RBBP8: variants seen among roughly 807,000 people sequenced by gnomAD.
RBBP8 encodes DNA endonuclease RBBP8.
RBBP8 carries 88 observed loss-of-function variants against 108.3 expected under a neutral mutation model. The ratio of observed to expected loss-of-function variants is 0.81; its 90% CI spans 0.68 to 0.97. The LOEUF (loss-of-function observed/expected upper bound fraction) is 0.97, where lower values mean the gene tolerates loss of function less well. Ranked by LOEUF, RBBP8 falls within the 50% of genes least tolerant of loss-of-function variation. The pLI is 0.00. For missense variants in RBBP8, 1,023 were observed against 1,049.0 expected (o/e 0.98, Z 0.34); for synonymous variants, 332 against 348.2 (o/e 0.95, Z 0.52).
rs1356779362 is a variant in RBBP8 at position 22,996,441 on chromosome 18, T to C, written c.2007T>C (p.Asp669=). The change falls in exon 13 of 19, where the codon GAT becomes GAC. Residue 669 remains aspartate (D), a synonymous_variant. Transcript: ENST00000327155. ...CAGACCTTTCTCAGTATAAAATGGA[T>C]GTTACTGTAATAGATACAAAGGTAA... ...PGADLSQYKM[D]VTVIDTKDGS... is the part of the protein sequence containing the mutation. The C allele has an allele frequency of 1.9e-6, 3 of 1,613,638 alleles. No individual in the cohort carries two copies. The highest frequency in any genetic ancestry group is 3.3e-5 in the Admixed American group (2 of 60,024).
chr18:22,941,367 T>C (rs1911071102), intron 2 of RBBP8, among the ~76,000 whole-genome samples: 1 of 152,042 alleles, frequency 6.6e-6, no homozygotes, highest in Non-Finnish European at 1.5e-5. Context: ...AGATGAGGTT[T>C]CACCATGTTG....
At chr18:22,931,298 T>C (rs536563705), upstream of RBBP8, among the ~76,000 whole-genome samples, 3 of 152,214 alleles carry the variant, frequency 2.0e-5, no homozygotes, top group South Asian at 4.2e-4. Context: ...ATCAAAAGTC[T>C]AGTGAGACCA....
chr18:22,962,379 A>G (rs992084828), intron 4 of RBBP8, among the ~76,000 whole-genome samples: 1 of 152,050 alleles, frequency 6.6e-6, no homozygotes, highest in Admixed American at 6.6e-5. Flanking sequence ...TCTTGCAGGT[A>G]TTCTTAAAAC....
chr18:22,952,856 C>G (rs1245334211), intron 4 of RBBP8, among the ~76,000 whole-genome samples: 1 of 152,174 alleles, frequency 6.6e-6, no homozygotes, highest in Non-Finnish European at 1.5e-5. Context: ...CGTTTTTTCT[C>G]TCATTTCTAC....
At chr18:22,976,108 T>C (rs1914478067) in intron 6 of RBBP8, among the ~76,000 whole-genome samples, 1 of 152,142 alleles carries the variant, frequency 6.6e-6, no homozygotes, top group South Asian at 2.1e-4. Flanking sequence ...GTAACATTAT[T>C]TTGGCTTAGA....
At chr18:22,985,114 C>G (rs1915229003) in intron 8 of RBBP8, 124 bp downstream of exon 8, 1 of 1,278,726 alleles carries the variant, frequency 7.8e-7, no homozygotes, top group Non-Finnish European at 1.1e-6. Flanking sequence ...GTTTATATTA[C>G]TAGTTTACTA....
intron 4 of RBBP8, among the ~76,000 whole-genome samples, chr18:22,951,611 A>G (rs1013337890): frequency 6.6e-6 from 1 of 152,138 alleles, no homozygotes; most frequent in Non-Finnish European, 1.5e-5. Flanking sequence ...TTCAATTCCT[A>G]CACTGGATAT....
At position 23,006,388 on chromosome 18, in the gene RBBP8, C is replaced by T; in HGVS notation, c.2313C>T (p.Val771=). The T allele has an allele frequency of 6.2e-7, 1 of 1,613,500 alleles. No homozygotes were observed. Among genetic ancestry groups the T allele is most frequent in the Non-Finnish European group, 8.5e-7 (1 of 1,179,772 alleles). ...CTCATGGTGATAAACAAGACAAAGTCAAGCAGAAAGCGTTTGTGGAGCCGT... is the reference window on the plus strand; with the variant it reads ...CTCATGGTGATAAACAAGACAAAGTTAAGCAGAAAGCGTTTGTGGAGCCGT... ...LHTHGDKQDK[V]KQKAFVEPYF... The change falls in exon 16 of 19, where the codon GTC becomes GTT. Residue 771 remains valine (V), a synonymous_variant. Coordinates refer to ENST00000327155, the MANE Select transcript of RBBP8 (RefSeq NM_002894.3).
intron 2 of RBBP8, among the ~76,000 whole-genome samples, chr18:22,940,424 C>T (rs1304998526): frequency 6.7e-6 from 1 of 148,952 alleles, no homozygotes; most frequent in Non-Finnish European, 1.5e-5. Context: ...GGATTCATGC[C>T]ATTCTCCTGC....
intron 3 of RBBP8, among the ~76,000 whole-genome samples, chr18:22,918,711 C>G (rs966123889): frequency 6.6e-6 from 1 of 152,074 alleles, no homozygotes; most frequent in African/African-American, 2.4e-5. Context: ...GGGTCTCACT[C>G]TGTCACCCAG....
Position 23,022,160 on chromosome 18 carries a change from A to C in RBBP8, c.2486A>C (p.Glu829Ala). Residue 829 changes from glutamate (E) to alanine (A), a missense_variant, in exon 18 of 19, where the codon GAA becomes GCA. Physicochemically the swap from Glu to Ala is moderately radical, Grantham distance 107. Transcript: ENST00000327155. ...YYADMPAEER[E>A]KKLASCSRHR... ...GCAGATATGCCAGCAGAAGAAAGAG[A>C]AAAGAAATTGGCTTCCTGCTCAAGA... The C allele has an allele frequency of 6.2e-7, 1 of 1,607,944 alleles. No individual in the cohort carries two copies. The highest frequency in any genetic ancestry group is 8.5e-7 in the Non-Finnish European group (1 of 1,174,340).
intron 8 of RBBP8, among the ~76,000 whole-genome samples, chr18:22,987,933 G>A (rs551995894): frequency 6.6e-6 from 1 of 152,320 alleles, no homozygotes; most frequent in African/African-American, 2.4e-5. Flanking sequence ...CATGTCTACA[G>A]TTGACAGTTA....
chr18:22,995,503 C>G (rs73966421), intron 12 of RBBP8, among the ~76,000 whole-genome samples: 7,813 of 151,992 alleles, frequency 0.051, 398 homozygotes, highest in African/African-American at 0.13. Context: ...TTTGGTATAC[C>G]CACAGAGTTG....
chr18:23,016,934 A>G lies in RBBP8; in HGVS notation c.2454+10A>G. 1 of 1,586,408 alleles carries G rather than the reference A, an allele frequency of 6.3e-7. No homozygotes were observed. The highest frequency in any genetic ancestry group is 8.7e-7 in the Non-Finnish European group (1 of 1,155,200). On this transcript the variant is annotated intron_variant, in intron 17 of 18. Transcript: ENST00000327155. ...TAAGGAATGTGAAATTGTAAGTACT[A>G]ATGTAGATACTAATTTTTTTTTAAG...
At chr18:22,995,601 A>T (rs1482174587) in intron 12 of RBBP8, among the ~76,000 whole-genome samples, 1 of 151,992 alleles carries the variant, frequency 6.6e-6, no homozygotes. Flanking sequence ...CCTTAAATCT[A>T]CTTTCTCTCT....
At chr18:22,970,654 T>A in intron 5 of RBBP8, among the ~76,000 whole-genome samples, 1 of 152,222 alleles carries the variant, frequency 6.6e-6, no homozygotes, top group Non-Finnish European at 1.5e-5. Flanking sequence ...TCAAGTATTA[T>A]TTTATATGAT....
At chr18:22,936,041 C>G (rs1235927952) in intron 1 of RBBP8, among the ~76,000 whole-genome samples, 1 of 151,978 alleles carries the variant, frequency 6.6e-6, no homozygotes, top group East Asian at 1.9e-4. Context: ...CTTGTTAAGT[C>G]AAGACTAAGA....
chr18:22,997,563 T>C (rs1298221276), intron 13 of RBBP8, 57 bp from the exon 14 acceptor site: 10 of 1,058,456 alleles, frequency 9.4e-6, no homozygotes, highest in Non-Finnish European at 1.4e-5. Flanking sequence ...AAAAATTAAA[T>C]ATAAGACCAT....
At chr18:23,026,043 A>C in intron 18 of RBBP8, 100 bp from the exon 19 acceptor site, 1 of 945,940 alleles carries the variant, frequency 1.1e-6, no homozygotes, top group African/African-American at 1.6e-5. Flanking sequence ...GAATCATGTA[A>C]ACTTACAAAG....
Sources: allele counts gnomAD v4.1 joint callset (sites outside exome capture counted in the v4.1 genomes callset), GRCh38; gene constraint gnomAD v4.1.1; transcripts MANE v1.5; gene names NCBI Gene and HGNC (gene_info 2026-07-23, HGNC 2026-07-21).